The following CLCN3 variants were observed in gnomAD, a reference collection of about 807,000 sequenced individuals.
CLCN3 encodes Cl-/H+ antiporter 3.
In CLCN3, 16 loss-of-function variants were observed where a neutral mutation model predicts 83.4. That is an observed-to-expected ratio of 0.19 (90% CI 0.13 to 0.29). CLCN3 has a LOEUF of 0.29. CLCN3 is among the 10% of genes least tolerant of loss of function. CLCN3 has a pLI of 1.00. For synonymous variants in CLCN3, 322 were observed against 346.2 expected (o/e 0.93, Z 0.78); for missense variants, 544 against 1,006.0 (o/e 0.54, Z 6.21).
chr4:169,704,806 C>G (rs1280856588), intron 10 of CLCN3, among the ~76,000 whole-genome samples: 1 of 152,146 alleles, frequency 6.6e-6, no homozygotes, highest in Non-Finnish European at 1.5e-5. Context: ...CAGCTACACT[C>G]TGGTGATAAT....
intron 12 of CLCN3, among the ~76,000 whole-genome samples, chr4:169,718,824 C>T (rs892680438): frequency 2.0e-5 from 3 of 152,168 alleles, no homozygotes; most frequent in Admixed American, 6.5e-5. Flanking sequence ...AGAATATTAT[C>T]GTAGCTACTC....
chr4:169,678,831 C>A (rs1244958007), intron 2 of CLCN3, among the ~76,000 whole-genome samples: 1 of 152,244 alleles, frequency 6.6e-6, no homozygotes, highest in Non-Finnish European at 1.5e-5. Context: ...TACACAGACA[C>A]AGTAACAATC....
At chr4:169,647,030 C>T (rs746174183) in intron 2 of CLCN3, among the ~76,000 whole-genome samples, 1 of 152,062 alleles carries the variant, frequency 6.6e-6, no homozygotes, top group Non-Finnish European at 1.5e-5. Context: ...ATACTTTCTG[C>T]AGCTATCAAA....
intron 2 of CLCN3, among the ~76,000 whole-genome samples, chr4:169,641,144 G>T (rs1358488045): frequency 6.6e-6 from 1 of 152,120 alleles, no homozygotes; most frequent in African/African-American, 2.4e-5. Flanking sequence ...AGTCCCAGCT[G>T]CTTGGGAGGC....
intron 2 of CLCN3, among the ~76,000 whole-genome samples, chr4:169,652,586 T>C (rs1371912524): frequency 6.6e-6 from 1 of 152,224 alleles, no homozygotes; most frequent in Non-Finnish European, 1.5e-5. Flanking sequence ...TTACTAACAA[T>C]GCTACTTTGA....
rs1488572067 is a variant in CLCN3 at position 169,707,196 on chromosome 4, T to G, written c.2079T>G (p.Pro693=). The G allele has an allele frequency of 6.2e-7, 1 of 1,613,972 alleles. No homozygotes were observed. The highest frequency in any genetic ancestry group is 8.5e-7 in the Non-Finnish European group (1 of 1,179,876). ...MINETSYNGF[P]VIMSKESQRL... is the part of the protein sequence containing the mutation. ...ATGAAACCAGCTACAATGGATTTCCTGTCATAATGTCAAAAGAATCTCAGA... is the reference window on the plus strand; with the variant it reads ...ATGAAACCAGCTACAATGGATTTCCGGTCATAATGTCAAAAGAATCTCAGA... The change falls in exon 11 of 13, where the codon CCT becomes CCG. Residue 693 remains proline (P), a synonymous_variant. Coordinates refer to ENST00000513761, the MANE Select transcript of CLCN3 (RefSeq NM_001829.4).
chr4:169,671,048 A>G (rs1429483706), intron 2 of CLCN3, among the ~76,000 whole-genome samples: 1 of 152,228 alleles, frequency 6.6e-6, no homozygotes, highest in African/African-American at 2.4e-5. Flanking sequence ...GCGATTCCTC[A>G]AGGATCTAGA....
At chr4:169,644,050 C>T (rs894538968) in intron 2 of CLCN3, among the ~76,000 whole-genome samples, 1 of 152,152 alleles carries the variant, frequency 6.6e-6, no homozygotes, top group Non-Finnish European at 1.5e-5. Flanking sequence ...CAGATAAGTG[C>T]TTTTCCTCAG....
At chr4:169,666,455 A>G (rs552886240) in intron 2 of CLCN3, among the ~76,000 whole-genome samples, 1 of 152,220 alleles carries the variant, frequency 6.6e-6, no homozygotes, top group Non-Finnish European at 1.5e-5. Context: ...AAGCATAAGG[A>G]TGTGAGTGCT....
At chr4:169,717,897 G>T (rs1733486824) in intron 12 of CLCN3, 1 of 1,461,862 alleles carries the variant, frequency 6.8e-7, no homozygotes. Flanking sequence ...CTCCTCATTA[G>T]ACACCTTAGA....
At position 169,680,088 on chromosome 4, in the gene CLCN3, A is replaced by G. The variant is rs1217887183; in HGVS notation, c.199A>G (p.Ser67Gly). ...AATGACAAATGGAGGCAGCATTAAC[A>G]GTTCTACACATTTACTGGATCTTTT... ...YTMTNGGSIN[S>G]STHLLDLLDE... The change falls in exon 3 of 13, where the codon AGT becomes GGT. Residue 67 changes from serine to glycine, a missense_variant. Around this residue, in one of 6 missense-constraint regions of CLCN3, gnomAD observed 77 missense variants for 92.8 expected, o/e 0.83. Transcript: ENST00000513761. 1 of 1,612,252 alleles carries G rather than the reference A, an allele frequency of 6.2e-7. No homozygotes were observed. Among genetic ancestry groups the G allele is most frequent in the Non-Finnish European group, 8.5e-7 (1 of 1,178,286 alleles).
chr4:169,626,015 G>C (rs1243044513), intron 1 of CLCN3, among the ~76,000 whole-genome samples: 1 of 152,218 alleles, frequency 6.6e-6, no homozygotes, highest in Non-Finnish European at 1.5e-5. Flanking sequence ...GTTGAGGGCA[G>C]TTCCCAAAAG....
In CLCN3 at chr4:169,713,080, A is replaced by G. The variant is rs1379685332; in HGVS notation, c.2151A>G (p.Glu717=). The G allele has an allele frequency of 1.2e-6, 2 of 1,613,314 alleles. No homozygotes were observed. Among genetic ancestry groups the G allele is most frequent in the African/African-American group, 2.7e-5 (2 of 75,024 alleles). Residue 717 remains glutamate (E), a splice_region_variant and synonymous_variant, in exon 12 of 13, where the codon GAA becomes GAG. Transcript: ENST00000513761. ...TTGGTCTCTTCTCTCTCTTTTCAGA[A>G]AGTGCCAGGAAAAAACAAGAAGGTA... ...ALRRDLTIAI[E]SARKKQEGIV... is the part of the protein sequence containing the mutation.
At chr4:169,638,821 A>G (rs1730319195) in intron 2 of CLCN3, among the ~76,000 whole-genome samples, 1 of 152,204 alleles carries the variant, frequency 6.6e-6, no homozygotes, top group African/African-American at 2.4e-5. Context: ...CTAGAACCTT[A>G]TCATTAGACT....
chr4:169,685,456 A>G (rs1039764533), intron 3 of CLCN3, among the ~76,000 whole-genome samples: 5 of 152,174 alleles, frequency 3.3e-5, no homozygotes, highest in Non-Finnish European at 7.3e-5. Flanking sequence ...AAATATAAGC[A>G]TAAATATTTA....
At chr4:169,698,103 CTG>C (rs979502694) in intron 9 of CLCN3, among the ~76,000 whole-genome samples, 26 of 152,196 alleles carry the variant, frequency 1.7e-4, no homozygotes, top group South Asian at 2.1e-4. Context: ...TTTTAAAAAA[CTG>C]TTTTTGTGGA....
At chr4:169,680,940 C>T (rs1731913422) in intron 3 of CLCN3, among the ~76,000 whole-genome samples, 1 of 152,228 alleles carries the variant, frequency 6.6e-6, no homozygotes, top group African/African-American at 2.4e-5. Context: ...CCTCCGCCTC[C>T]TGGATTCAAG....
At chr4:169,676,050 G>A (rs185829297) in intron 2 of CLCN3, among the ~76,000 whole-genome samples, 11 of 152,210 alleles carry the variant, frequency 7.2e-5, no homozygotes, top group East Asian at 1.9e-4. Context: ...AGAGATAACC[G>A]TTATTAATAT....
intron 2 of CLCN3, among the ~76,000 whole-genome samples, chr4:169,665,084 A>G (rs1452888491): frequency 6.6e-6 from 1 of 152,224 alleles, no homozygotes; most frequent in African/African-American, 2.4e-5. Context: ...GAAATTTAGC[A>G]AATTTTATAA....
Sources: gnomAD v4.1 joint callset for allele counts (sites outside exome capture counted in the v4.1 genomes callset) on GRCh38, gnomAD v4.1.1 for gene constraint, gnomAD v4.1.1 regional missense constraint, MANE v1.5 for transcripts, NCBI Gene and HGNC (gene_info 2026-07-23, HGNC 2026-07-21) for gene names.